CTNNA2: variants seen among roughly 807,000 people sequenced by gnomAD.
The protein encoded by CTNNA2 is catenin alpha-2.
In CTNNA2, 42 loss-of-function variants were observed where a neutral mutation model predicts 101.0. That is an observed-to-expected ratio of 0.42 (90% CI 0.32 to 0.54). The LOEUF (loss-of-function observed/expected upper bound fraction) is 0.54, where lower values mean the gene tolerates loss of function less well. Ranked by LOEUF, CTNNA2 falls within the 20% of genes least tolerant of loss-of-function variation. The pLI is 0.14. For synonymous variants in CTNNA2, 450 were observed against 456.4 expected (o/e 0.99, Z 0.18); for missense variants, 871 against 1,223.1 (o/e 0.71, Z 4.29).
intron 1 of CTNNA2, chr2:79,547,386 G>T (rs1055346308): frequency 2.6e-5 from 4 of 152,184 alleles, no homozygotes; most frequent in Non-Finnish European, 5.9e-5. Context: ...CTTCTACATT[G>T]ACAACATTCA....
chr2:79,787,016 C>T (rs1399280360), intron 3 of CTNNA2, among the ~76,000 whole-genome samples: 1 of 152,026 alleles, frequency 6.6e-6, no homozygotes, highest in Non-Finnish European at 1.5e-5. Context: ...ATTATCTCCT[C>T]TATAATCTCA....
At chr2:79,914,305 G>T (rs1306577585) in intron 7 of CTNNA2, among the ~76,000 whole-genome samples, 2 of 151,904 alleles carry the variant, frequency 1.3e-5, no homozygotes, top group African/African-American at 2.4e-5. Flanking sequence ...TCTAAGTATG[G>T]TTCACATTCT....
chr2:79,618,056 AAC>A (rs1678749671), intron 1 of CTNNA2, among the ~76,000 whole-genome samples: 1 of 152,062 alleles, frequency 6.6e-6, no homozygotes, highest in African/African-American at 2.4e-5. Flanking sequence ...CCCCACCACC[AAC>A]ACACACACTC....
At chr2:80,043,600 G>A (rs1696326019) in intron 7 of CTNNA2, among the ~76,000 whole-genome samples, 1 of 152,164 alleles carries the variant, frequency 6.6e-6, no homozygotes, top group African/African-American at 2.4e-5. Context: ...AGGCAATGGA[G>A]TTGATTTCTC....
intron 4 of CTNNA2, among the ~76,000 whole-genome samples, chr2:79,415,054 A>G (rs1678462776): frequency 6.6e-6 from 1 of 152,176 alleles, no homozygotes; most frequent in South Asian, 2.1e-4. Context: ...GTTGTGGTTT[A>G]GATGTGTGTC....
intron 7 of CTNNA2, among the ~76,000 whole-genome samples, chr2:80,147,397 G>GGATATTAAT (rs1703417528): frequency 6.6e-6 from 1 of 152,118 alleles, no homozygotes; most frequent in Non-Finnish European, 1.5e-5. Flanking sequence ...TGAATCACAG[G>GGATATTAAT]GATGTTAATC....
At chr2:79,824,855 A>G (rs1400452138) in intron 3 of CTNNA2, among the ~76,000 whole-genome samples, 1 of 152,148 alleles carries the variant, frequency 6.6e-6, no homozygotes, top group East Asian at 1.9e-4. Context: ...AAATTCCTCA[A>G]CATTTGTTAA....
At chr2:80,226,586 C>T (rs1310756451) in intron 7 of CTNNA2, among the ~76,000 whole-genome samples, 1 of 152,186 alleles carries the variant, frequency 6.6e-6, no homozygotes, top group Non-Finnish European at 1.5e-5. Context: ...TGAGGCAGTG[C>T]GTGGCTTATA....
At chr2:79,882,933 T>TG (rs11393790) in intron 6 of CTNNA2, among the ~76,000 whole-genome samples, 139,571 of 152,220 alleles carry the variant, frequency 0.92, 64,613 homozygotes, top group African/African-American at 0.96. Context: ...CTTCCTTGGC[T>TG]GGGGGTGGGG....
intron 7 of CTNNA2, among the ~76,000 whole-genome samples, chr2:80,355,717 C>G (rs1673722470): frequency 6.6e-6 from 1 of 152,062 alleles, no homozygotes; most frequent in Non-Finnish European, 1.5e-5. Context: ...ATATGATGAA[C>G]TTTTCTATTT....
At chr2:80,139,137 T>C (rs1702859622) in intron 7 of CTNNA2, among the ~76,000 whole-genome samples, 1 of 152,190 alleles carries the variant, frequency 6.6e-6, no homozygotes, top group Admixed American at 6.6e-5. Flanking sequence ...GGAATATGAC[T>C]GATCCACAGA....
intron 7 of CTNNA2, among the ~76,000 whole-genome samples, chr2:80,314,058 G>T (rs1573688269): frequency 6.6e-6 from 1 of 152,316 alleles, no homozygotes; most frequent in East Asian, 1.9e-4. Flanking sequence ...AGCAGTTGAA[G>T]ATCTGAACAG....
chr2:79,634,947 G>C (rs1179050668), intron 1 of CTNNA2, among the ~76,000 whole-genome samples: 3 of 152,126 alleles, frequency 2.0e-5, no homozygotes, highest in Non-Finnish European at 4.4e-5. Flanking sequence ...TAGGCAGTGG[G>C]AGTCATCAGA....
chr2:80,405,680 G>A (rs1224905419), intron 8 of CTNNA2, among the ~76,000 whole-genome samples: 4 of 152,064 alleles, frequency 2.6e-5, no homozygotes, highest in Non-Finnish European at 5.9e-5. Context: ...TTTTAGCTGG[G>A]GGAATATCTG....
At position 79,734,011 on chromosome 2, in the gene CTNNA2, A is replaced by G. The variant is rs370203701; in HGVS notation, c.103-10376A>G. On this transcript the variant is annotated intron_variant, in intron 2 of 18. Coordinates refer to ENST00000402739, the MANE Select transcript of CTNNA2 (RefSeq NM_001282597.3). Reference sequence around the variant, plus strand: ...TTTCTACTCTTTCTTGGAACAGTCTAGCTTTACTTTGTTTCATTTTGTTTT... The same window carrying G: ...TTTCTACTCTTTCTTGGAACAGTCTGGCTTTACTTTGTTTCATTTTGTTTT... Among the ~76,000 whole-genome samples, 22 of 152,290 alleles carry G rather than the reference A, an allele frequency of 1.4e-4. No homozygotes were observed. The South Asian group carries it at 1.9e-3, about 13-fold the overall frequency.
chr2:80,620,522 G>A (rs1241934600), intron 18 of CTNNA2, among the ~76,000 whole-genome samples: 2 of 151,906 alleles, frequency 1.3e-5, no homozygotes, highest in Non-Finnish European at 2.9e-5. Context: ...GACTATAACA[G>A]TAAAGATTTC....
intron 1 of CTNNA2, among the ~76,000 whole-genome samples, chr2:79,616,918 T>TTTTTTTTTTTC (rs796199835): frequency 3.9e-4 from 59 of 151,490 alleles, no homozygotes; most frequent in African/African-American, 1.4e-3. Context: ...TCTTTTTTTT[T>TTTTTTTTTTTC]CGAGACACAG....
chr2:79,427,718 C>T (rs1678607989), intron 4 of CTNNA2, among the ~76,000 whole-genome samples: 1 of 151,868 alleles, frequency 6.6e-6, no homozygotes, highest in Non-Finnish European at 1.5e-5. Context: ...GCATCTTACA[C>T]TCCTGGTTGT....
chr2:79,353,472 T>C (rs946707822), intron 3 of CTNNA2, among the ~76,000 whole-genome samples: 2 of 152,160 alleles, frequency 1.3e-5, no homozygotes, highest in Non-Finnish European at 2.9e-5. Context: ...TAAAGTCTGT[T>C]TTATCAGAAT....
Sources: allele counts gnomAD v4.1 joint callset (sites outside exome capture counted in the v4.1 genomes callset), GRCh38; gene constraint gnomAD v4.1.1; transcripts MANE v1.5; gene names NCBI Gene and HGNC (gene_info 2026-07-23, HGNC 2026-07-21).